The following IL1RL2 variants were observed in gnomAD, a reference collection of about 807,000 sequenced individuals.
IL1RL2 encodes interleukin-1 receptor-like 2.
In IL1RL2, 68 loss-of-function variants were observed where a neutral mutation model predicts 66.8. The ratio of observed to expected loss-of-function variants is 1.02; its 90% CI spans 0.84 to 1.25. The LOEUF is 1.25. Among genes scored for constraint, IL1RL2 ranks in the 50% most tolerant of loss-of-function variants. The pLI is 0.00. For missense variants in IL1RL2, 729 were observed against 709.3 expected (o/e 1.03, Z -0.32); for synonymous variants, 305 against 264.6 (o/e 1.15, Z -1.48).
At position 102,187,916 on chromosome 2, in the gene IL1RL2, G is replaced by A. The variant is rs758744053; in HGVS notation, c.49G>A (p.Val17Ile). ...GTTGTCCATCGCCCTTCCACTGTCT[G>A]TCACAGCAGGTACGTTCCGTGTGTC... Reference protein sequence around the residue: ...CGLSIALPLSVTADGCKDIFM... With the variant: ...CGLSIALPLSITADGCKDIFM... The change falls in exon 2 of 12, where the codon GTC becomes ATC. Residue 17 changes from valine to isoleucine, a missense_variant. Physicochemically the swap from Val to Ile is conservative, Grantham distance 29. Coordinates refer to ENST00000264257, the MANE Select transcript of IL1RL2 (RefSeq NM_003854.4). The A allele has an allele frequency of 6.2e-7, 1 of 1,614,016 alleles. No homozygotes were observed. Among genetic ancestry groups the A allele is most frequent in the East Asian group, 2.2e-5 (1 of 44,832 alleles).
chr2:102,214,737 T>A (rs1689456632), intron 6 of IL1RL2, among the ~76,000 whole-genome samples: 1 of 151,706 alleles, frequency 6.6e-6, no homozygotes, highest in African/African-American at 2.4e-5. Context: ...CAAGAAAAAA[T>A]TGAATAGAAG....
At chr2:102,213,432 G>C (rs1689348191) in intron 6 of IL1RL2, among the ~76,000 whole-genome samples, 2 of 152,056 alleles carry the variant, frequency 1.3e-5, no homozygotes, top group Admixed American at 1.3e-4. Flanking sequence ...TTGTTAATTA[G>C]CTTGATTTAA....
intron 10 of IL1RL2, 151 bp downstream of exon 10, chr2:102,233,275 G>T: frequency 1.3e-6 from 1 of 746,240 alleles, no homozygotes; most frequent in Non-Finnish European, 2.1e-6. Context: ...TCAGCCCCCA[G>T]CCCCCAGCCA....
chr2:102,187,468 G>C, intron 1 of IL1RL2: 1 of 936,030 alleles, frequency 1.1e-6, no homozygotes, highest in Non-Finnish European at 1.4e-6. Context: ...AGCGGGGTTG[G>C]GGTCCCACGT....
intron 6 of IL1RL2, among the ~76,000 whole-genome samples, chr2:102,216,447 G>A (rs941686165): frequency 1.3e-5 from 2 of 151,942 alleles, no homozygotes; most frequent in African/African-American, 2.4e-5. Flanking sequence ...ATCCTTACTG[G>A]ACCTACTGTG....
At position 102,239,332 on chromosome 2, in the gene IL1RL2, G is replaced by C; in HGVS notation, c.*91G>C. ...CACCTATTTTCTGCTGCAGGATGAGGCTAGGGTTAGCATTCTAGACACCCA... is the reference window on the plus strand; with the variant it reads ...CACCTATTTTCTGCTGCAGGATGAGCCTAGGGTTAGCATTCTAGACACCCA... On this transcript the variant is annotated 3_prime_UTR_variant, in exon 12 of 12. Transcript: ENST00000264257. 1.6e-6 allele frequency: 2 copies of C among 1,241,766 alleles called. No individual in the cohort carries two copies. The highest frequency in any genetic ancestry group is 1.2e-6 in the Non-Finnish European group (1 of 844,204). 76.9% of individuals were successfully genotyped at this position (1,241,766 alleles called of 1,614,324 possible).
intron 11 of IL1RL2, among the ~76,000 whole-genome samples, chr2:102,236,789 T>C (rs1433226478): frequency 6.6e-6 from 1 of 152,140 alleles, no homozygotes; most frequent in Non-Finnish European, 1.5e-5. Flanking sequence ...GGACATAAAA[T>C]ACATTTTAAG....
chr2:102,189,286 C>T lies in IL1RL2; in HGVS notation c.269C>T (p.Ser90Leu), dbSNP rs1165959236. The change falls in exon 3 of 12, where the codon TCA (serine) becomes TTA (leucine). Residue 90 changes from serine (S) to leucine (L), a missense_variant. Transcript: ENST00000264257. ...ILFLPMEWGD[S>L]GVYQCVIKGR... ...TTTCTCCCCATGGAATGGGGGGACT[C>T]AGGAGTCTACCAATGTGTTATAAAG... 2 of 1,610,748 alleles carry T rather than the reference C, an allele frequency of 1.2e-6. No individual in the cohort carries two copies. Among genetic ancestry groups the T allele is most frequent in the Non-Finnish European group, 1.7e-6 (2 of 1,177,554 alleles).
intron 11 of IL1RL2, among the ~76,000 whole-genome samples, chr2:102,237,459 A>G (rs1209263207): frequency 6.6e-6 from 1 of 152,216 alleles, no homozygotes; most frequent in Admixed American, 6.5e-5. Context: ...CCACTCCAGC[A>G]CTGCAGGCAG....
intron 9 of IL1RL2, among the ~76,000 whole-genome samples, chr2:102,228,791 A>T (rs561797772): frequency 6.6e-6 from 1 of 152,236 alleles, no homozygotes; most frequent in Non-Finnish European, 1.5e-5. Flanking sequence ...GGCAATGACA[A>T]GATCCACTGT....
At chr2:102,231,960 G>A (rs1263004400) in intron 9 of IL1RL2, among the ~76,000 whole-genome samples, 3 of 152,292 alleles carry the variant, frequency 2.0e-5, no homozygotes, top group African/African-American at 7.2e-5. Flanking sequence ...TACAGGACAC[G>A]CTGAGGGTAA....
intron 11 of IL1RL2, 197 bp downstream of exon 11, chr2:102,235,474 C>T (rs934548769): frequency 1.0e-6 from 1 of 985,472 alleles, no homozygotes; most frequent in Admixed American, 6.1e-5. Context: ...CAGGGAAACA[C>T]ACGGCTTCTG....
chr2:102,222,305 G>A (rs1690211037), intron 8 of IL1RL2, among the ~76,000 whole-genome samples: 1 of 152,118 alleles, frequency 6.6e-6, no homozygotes, highest in Admixed American at 6.5e-5. Context: ...ATTGTTTTGA[G>A]TTTGGAACTC....
chr2:102,228,231 T>C (rs931993838), intron 9 of IL1RL2, among the ~76,000 whole-genome samples: 5 of 152,350 alleles, frequency 3.3e-5, no homozygotes, highest in African/African-American at 1.2e-4. Flanking sequence ...AGTGAGCTAC[T>C]GATGAGATTC....
At chr2:102,224,028 T>G (rs369530876) in intron 8 of IL1RL2, among the ~76,000 whole-genome samples, 1 of 152,224 alleles carries the variant, frequency 6.6e-6, no homozygotes, top group African/African-American at 2.4e-5. Flanking sequence ...TATTGTGCCA[T>G]GTATTTAAAG....
At chr2:102,212,050 A>G (rs778043281) in intron 5 of IL1RL2, 50 bp from the exon 6 acceptor site, 4 of 1,339,704 alleles carry the variant, frequency 3.0e-6, no homozygotes, top group Non-Finnish European at 4.3e-6. Flanking sequence ...GTACTTGGGA[A>G]TGTATCATAC....
intron 4 of IL1RL2, among the ~76,000 whole-genome samples, chr2:102,197,559 C>A (rs1687892304): frequency 6.6e-6 from 1 of 152,158 alleles, no homozygotes; most frequent in African/African-American, 2.4e-5. Flanking sequence ...GACACAGGAA[C>A]AAAATGACCA....
At chr2:102,196,184 C>T (rs1199599373) in intron 4 of IL1RL2, among the ~76,000 whole-genome samples, 15 of 152,124 alleles carry the variant, frequency 9.9e-5, no homozygotes, top group Non-Finnish European at 2.2e-4. Context: ...CGGATTTGAT[C>T]CTCTGGATCT....
intron 9 of IL1RL2, among the ~76,000 whole-genome samples, chr2:102,231,044 A>G (rs1021283314): frequency 4.6e-5 from 7 of 152,242 alleles, no homozygotes; most frequent in East Asian, 1.9e-4. Context: ...TCTAGTACCT[A>G]CTAGGCTGTC....
Sources: allele counts gnomAD v4.1 joint callset (sites outside exome capture counted in the v4.1 genomes callset), GRCh38; gene constraint gnomAD v4.1.1; transcripts MANE v1.5; gene names NCBI Gene and HGNC (gene_info 2026-07-23, HGNC 2026-07-21).